The following MICAL2 variants were observed in gnomAD, a reference collection of about 807,000 sequenced individuals.
MICAL2 encodes the protein [F-actin]-monooxygenase MICAL2.
Under a neutral mutation model 127.3 loss-of-function variants are expected in MICAL2, and 77 were observed. The ratio of observed to expected loss-of-function variants is 0.60; its 90% confidence interval spans 0.50 to 0.73. MICAL2 has a LOEUF of 0.73. Ranked by LOEUF, MICAL2 falls within the 30% of genes least tolerant of loss-of-function variation. MICAL2 has a pLI of 0.00. For missense variants in MICAL2, 1,351 were observed against 1,434.4 expected, an observed-to-expected ratio of 0.94 and a Z score of 0.94; for synonymous variants, 570 against 551.1, an observed-to-expected ratio of 1.03 and a Z score of -0.48.
At chr11:12,291,942 T>A (rs956118509), downstream of MICAL2, among the ~76,000 whole-genome samples, 1 of 152,178 alleles carries the variant, frequency 6.6e-6, no homozygotes, top group African/African-American at 2.4e-5. Context: ...ACCCTGGGAC[T>A]TCCTTTGCCC....
At chr11:12,201,838 G>A (rs1025771727) in intron 3 of MICAL2, among the ~76,000 whole-genome samples, 17 of 152,194 alleles carry the variant, frequency 1.1e-4, no homozygotes, top group African/African-American at 4.1e-4. Context: ...ACTTTCACTG[G>A]CCGGGCACAG....
downstream of MICAL2, among the ~76,000 whole-genome samples, chr11:12,290,867 G>A (rs1183717874): frequency 6.6e-5 from 10 of 152,204 alleles, no homozygotes; most frequent in Admixed American, 6.5e-4. Context: ...GGCCTCCTGG[G>A]GGTGGAGGGG....
intron 32 of MICAL2, among the ~76,000 whole-genome samples, chr11:12,349,587 T>C (rs1939013996): frequency 6.6e-6 from 1 of 152,152 alleles, no homozygotes; most frequent in East Asian, 1.9e-4. Flanking sequence ...ATCGTGGTTA[T>C]GTGACCATTG....
chr11:12,162,109 T>C lies in MICAL2; in HGVS notation c.-47T>C, dbSNP rs1482699059. 2.5e-6 allele frequency: 4 copies of C among 1,611,014 alleles called. No homozygotes were observed. The highest frequency in any genetic ancestry group is 3.4e-6 in the Non-Finnish European group (4 of 1,178,652). ...ACGTTTCTCCAGATACTTCATGCTG[T>C]TCACCTGTGTCCTCGCCGCACCACT... On this transcript the variant is annotated 5_prime_UTR_variant, in exon 3 of 28. Transcript: ENST00000683283.
At chr11:12,306,251 A>AGG (rs1864107513) in intron 29 of MICAL2, among the ~76,000 whole-genome samples, 1 of 151,818 alleles carries the variant, frequency 6.6e-6, no homozygotes, top group Admixed American at 6.6e-5. Context: ...TTCTAACAGT[A>AGG]TTCATTAGGT....
At chr11:12,291,825 CTTTGGAGGCAGATGAGCATTTCT>C (rs1474307763), downstream of MICAL2, among the ~76,000 whole-genome samples, 10 of 152,308 alleles carry the variant, frequency 6.6e-5, no homozygotes, top group African/African-American at 2.4e-4. Context: ...TTAGGATGCT[CTTTGGAGGCAGATGAGCATTTCT>C]AAGAAATGTT....
At chr11:12,258,737 T>C (rs1189932679) in intron 25 of MICAL2, among the ~76,000 whole-genome samples, 181 bp downstream of exon 25, 2 of 152,258 alleles carry the variant, frequency 1.3e-5, no homozygotes, top group African/African-American at 4.8e-5. Flanking sequence ...TTCCACAGCC[T>C]CTGGGGTGTG....
intron 1 of MICAL2, among the ~76,000 whole-genome samples, chr11:12,136,499 A>T (rs188761614): frequency 2.6e-5 from 4 of 152,034 alleles, no homozygotes; most frequent in Non-Finnish European, 5.9e-5. Context: ...TCTTATAACA[A>T]CTAAGTAGTT....
At chr11:12,282,421 C>A (rs978389799) in intron 2 of MICAL2, among the ~76,000 whole-genome samples, 3 of 152,132 alleles carry the variant, frequency 2.0e-5, no homozygotes, top group Non-Finnish European at 4.4e-5. Context: ...TGCCTTTCAT[C>A]CCTTCCCTCC....
chr11:12,251,683 C>A (rs889239528), intron 22 of MICAL2, among the ~76,000 whole-genome samples: 1 of 151,396 alleles, frequency 6.6e-6, no homozygotes. Context: ...AAGGTGGGAC[C>A]AGGTGTGGTC....
At chr11:12,144,767 C>A (rs1358694660) in intron 2 of MICAL2, among the ~76,000 whole-genome samples, 1 of 152,174 alleles carries the variant, frequency 6.6e-6, no homozygotes, top group Non-Finnish European at 1.5e-5. Context: ...ACCTGTCAGA[C>A]CAATAACTTC....
At chr11:12,141,135 G>A (rs1852313207) in intron 2 of MICAL2, among the ~76,000 whole-genome samples, 1 of 152,224 alleles carries the variant, frequency 6.6e-6, no homozygotes, top group Admixed American at 6.5e-5. Flanking sequence ...CTTTCTTCGA[G>A]TCTGCAAGGG....
At chr11:12,169,797 G>A (rs187450901) in intron 3 of MICAL2, among the ~76,000 whole-genome samples, 88 of 152,258 alleles carry the variant, frequency 5.8e-4, no homozygotes, top group African/African-American at 1.9e-3. Flanking sequence ...TGAGACAAAG[G>A]GTATGTGTGC....
In MICAL2 at chr11:12,168,429, A is replaced by G. The variant is rs1168074407; in HGVS notation, c.264+6010A>G. On this transcript the variant is annotated intron_variant, in intron 3 of 27. Coordinates refer to ENST00000683283, the MANE Select transcript of MICAL2 (RefSeq NM_001282663.2). Reference sequence around the variant, plus strand: ...CATTCATACATACCCCCCACACACCATATACACACATACACACACCACACA... The same window carrying G: ...CATTCATACATACCCCCCACACACCGTATACACACATACACACACCACACA... Among the ~76,000 whole-genome samples the G allele has an allele frequency of 2.0e-5, 3 of 151,172 alleles. No homozygotes were observed. The East Asian group carries it at 5.8e-4, about 29-fold the overall frequency.
At chr11:12,240,491 C>T (rs3794079) in intron 17 of MICAL2, among the ~76,000 whole-genome samples, 36,927 of 152,056 alleles carry the variant, frequency 0.24, 4,961 homozygotes, top group East Asian at 0.54. Flanking sequence ...CCTGGGAGAA[C>T]TGACCTTCTC....
chr11:12,238,803 G>A (rs1333661082), intron 16 of MICAL2, among the ~76,000 whole-genome samples: 5 of 152,196 alleles, frequency 3.3e-5, no homozygotes, highest in Admixed American at 1.3e-4. Flanking sequence ...TGGGTGAAGG[G>A]TATGCAGGGA....
At chr11:12,160,778 C>T (rs1036016652) in intron 2 of MICAL2, among the ~76,000 whole-genome samples, 1 of 152,254 alleles carries the variant, frequency 6.6e-6, no homozygotes, top group African/African-American at 2.4e-5. Flanking sequence ...AATCCATCTG[C>T]CCCTGTGGGC....
At chr11:12,128,829 G>A (rs1443653897) in intron 1 of MICAL2, among the ~76,000 whole-genome samples, 1 of 152,218 alleles carries the variant, frequency 6.6e-6, no homozygotes, top group Non-Finnish European at 1.5e-5. Context: ...CAATTTCTTT[G>A]TGCCTCAGTT....
intron 3 of MICAL2, among the ~76,000 whole-genome samples, chr11:12,169,355 C>T (rs749628871): frequency 2.6e-4 from 39 of 150,782 alleles, no homozygotes; most frequent in Non-Finnish European, 4.7e-4. Flanking sequence ...CATTTTATGG[C>T]TATAGCACAA....
Sources: gnomAD v4.1 joint callset for allele counts (sites outside exome capture counted in the v4.1 genomes callset) on GRCh38, gnomAD v4.1.1 for gene constraint, MANE v1.5 for transcripts, NCBI Gene and HGNC (gene_info 2026-07-23, HGNC 2026-07-21) for gene names.